RYR3: variants seen among roughly 807,000 people sequenced by gnomAD.
RYR3 encodes ryanodine receptor 3.
In RYR3, 207 loss-of-function variants were observed where a neutral mutation model predicts 584.3. The ratio of observed to expected loss-of-function variants is 0.35; its 90% CI spans 0.32 to 0.40. The LOEUF (loss-of-function observed/expected upper bound fraction) is 0.40, where lower values mean the gene tolerates loss of function less well. Ranked by LOEUF, RYR3 falls within the 10% of genes least tolerant of loss-of-function variation. The probability of loss-of-function intolerance (pLI) is 1.00; values close to 1 mark genes in which losing one functional copy is unlikely to be tolerated. For missense variants in RYR3, 5,616 were observed against 6,089.2 expected, an observed-to-expected ratio of 0.92 and a Z score of 2.59; for synonymous variants, 2,416 against 2,248.5, an observed-to-expected ratio of 1.07 and a Z score of -2.11.
In RYR3 at chr15:33,800,867, C is replaced by T. The variant is rs758016177; in HGVS notation, c.9918+10C>T. ...GTGGTGTAAATCTCATGTAAGAACA[C>T]ATTTGGGCCCTGGGTTTAGAATGGT... On this transcript the variant is annotated intron_variant, in intron 68 of 103. Transcript: ENST00000634891. 4.4e-6 allele frequency: 7 copies of T among 1,587,290 alleles called. No individual in the cohort carries two copies. The East Asian group carries it at 6.7e-5, about 15-fold the overall frequency.
intron 93 of RYR3, among the ~76,000 whole-genome samples, chr15:33,845,541 A>G (rs969693081): frequency 6.6e-5 from 10 of 152,208 alleles, no homozygotes; most frequent in Non-Finnish European, 1.3e-4. Flanking sequence ...AGCATGAGCC[A>G]CTGCGCCCAG....
At chr15:33,814,159 A>T (rs1471389965) in intron 74 of RYR3, among the ~76,000 whole-genome samples, 1 of 152,248 alleles carries the variant, frequency 6.6e-6, no homozygotes, top group East Asian at 1.9e-4. Flanking sequence ...GCTTTTGCTG[A>T]AAAGTCTGGG....
intron 60 of RYR3, among the ~76,000 whole-genome samples, chr15:33,763,289 G>A (rs891645104): frequency 9.9e-5 from 15 of 152,274 alleles, no homozygotes; most frequent in Non-Finnish European, 1.8e-4. Context: ...AAACCAAAGA[G>A]CTTCTGCACA....
At position 33,830,462 on chromosome 15, in the gene RYR3, A is replaced by G. The variant is rs116213128; in HGVS notation, c.11335-501A>G. On this transcript the variant is annotated intron_variant, in intron 85 of 103. Transcript: ENST00000634891. ...TTGCACACTTAATAGACTACAGCAT[A>G]TTGTAAACATAACTTTGATGTACGC... 5.1e-3 allele frequency among the ~76,000 whole-genome samples: 780 copies of G among 152,364 alleles called. 10 individuals are homozygous for G. Among genetic ancestry groups the G allele is most frequent in the African/African-American group, 0.018 (756 of 41,590 alleles).
chr15:33,718,899 C>T (rs1766774951), intron 43 of RYR3, among the ~76,000 whole-genome samples: 1 of 152,186 alleles, frequency 6.6e-6, no homozygotes. Flanking sequence ...AGAACTCAAG[C>T]AGAAAGCATT....
chr15:33,485,086 A>C (rs1432143200), intron 2 of RYR3, among the ~76,000 whole-genome samples: 1 of 152,208 alleles, frequency 6.6e-6, no homozygotes, highest in Non-Finnish European at 1.5e-5. Flanking sequence ...ATCAGAAAAG[A>C]AATAGGCATG....
At chr15:33,382,590 G>A (rs1206802199) in intron 1 of RYR3, among the ~76,000 whole-genome samples, 2 of 151,992 alleles carry the variant, frequency 1.3e-5, no homozygotes, top group Admixed American at 1.3e-4. Context: ...CTAAAGTGCT[G>A]GGATTACAGA....
At chr15:33,705,520 AG>A (rs1354697438) in intron 42 of RYR3, among the ~76,000 whole-genome samples, 1 of 152,238 alleles carries the variant, frequency 6.6e-6, no homozygotes, top group Non-Finnish European at 1.5e-5. Flanking sequence ...AAGATATCAA[AG>A]GTGAAATTAG....
intron 41 of RYR3, among the ~76,000 whole-genome samples, chr15:33,700,355 A>G (rs910715840): frequency 6.6e-6 from 1 of 152,200 alleles, no homozygotes; most frequent in Non-Finnish European, 1.5e-5. Context: ...ACCACTAGAA[A>G]AGCAAGTCAC....
intron 57 of RYR3, among the ~76,000 whole-genome samples, chr15:33,750,775 A>T (rs2071209804): frequency 6.6e-6 from 1 of 152,156 alleles, no homozygotes; most frequent in Non-Finnish European, 1.5e-5. Flanking sequence ...CAGAACGTGC[A>T]GGTTTGTTAC....
At position 33,827,419 on chromosome 15, in the gene RYR3, C is replaced by G. The variant is rs893244029; in HGVS notation, c.11334+132C>G. 3 of 737,180 alleles carry G rather than the reference C, an allele frequency of 4.1e-6. No individual in the cohort carries two copies. The African/African-American group carries it at 5.3e-5, about 13-fold the overall frequency. The allele number at this position is 737,180 out of a possible 1,614,324, so 45.7% of individuals were successfully genotyped here. ...AGGAAGGCGTTGTAACGTGTATCCACAGATGCATGGGAAGTCCAGTGCCCA... is the reference window on the plus strand; with the variant it reads ...AGGAAGGCGTTGTAACGTGTATCCAGAGATGCATGGGAAGTCCAGTGCCCA... On this transcript the variant is annotated intron_variant, in intron 85 of 103. Transcript: ENST00000634891.
intron 57 of RYR3, among the ~76,000 whole-genome samples, 191 bp downstream of exon 57, chr15:33,750,477 C>T (rs1264946278): frequency 6.6e-6 from 1 of 152,186 alleles, no homozygotes; most frequent in Admixed American, 6.5e-5. Flanking sequence ...TTTTAAAGAT[C>T]AGTGACAACA....
intron 7 of RYR3, 136 bp downstream of exon 7, chr15:33,541,026 T>A: frequency 1.7e-6 from 1 of 599,814 alleles, no homozygotes; most frequent in South Asian, 2.2e-5. Flanking sequence ...CTCACTTGAG[T>A]TTCTTTCTCT....
intron 103 of RYR3, among the ~76,000 whole-genome samples, 153 bp downstream of exon 103, chr15:33,864,342 A>G (rs191110751): frequency 2.0e-5 from 3 of 152,344 alleles, no homozygotes; most frequent in Admixed American, 6.5e-5. Flanking sequence ...TAAGAAGCCA[A>G]AGTCCTCCTG....
intron 16 of RYR3, among the ~76,000 whole-genome samples, chr15:33,590,450 A>G (rs1247565345): frequency 2.0e-5 from 3 of 152,118 alleles, no homozygotes; most frequent in Non-Finnish European, 4.4e-5. Context: ...TGACACTGGT[A>G]TTTTGATAGG....
chr15:33,589,162 TTAAGA>T (rs1312014513), intron 16 of RYR3, among the ~76,000 whole-genome samples: 4 of 152,198 alleles, frequency 2.6e-5, no homozygotes, highest in Admixed American at 2.0e-4. Flanking sequence ...CTGACTAGTG[TTAAGA>T]TGACATCTCA....
intron 1 of RYR3, among the ~76,000 whole-genome samples, chr15:33,386,805 C>T (rs2041632835): frequency 6.6e-6 from 1 of 152,106 alleles, no homozygotes; most frequent in Non-Finnish European, 1.5e-5. Context: ...TCACTTAGTG[C>T]AATGTCTTAA....
rs1454098818 is a variant in RYR3, at chr15:33,584,693, C to T, written c.1669+203C>T. Reference sequence around the variant, plus strand: ...CAACTCTAACCCAGACTTCAACAATCCTTCCTTTTTAAATTTTTTACTCTG... The same window carrying T: ...CAACTCTAACCCAGACTTCAACAATTCTTCCTTTTTAAATTTTTTACTCTG... On this transcript the variant is annotated intron_variant, in intron 15 of 103. Coordinates refer to ENST00000634891, the MANE Select transcript of RYR3 (RefSeq NM_001036.6). Among the ~76,000 whole-genome samples the T allele has an allele frequency of 2.0e-5, 3 of 152,178 alleles. No homozygotes were observed. The South Asian group carries it at 6.2e-4, about 32-fold the overall frequency.
At chr15:33,750,405 A>AT in intron 57 of RYR3, 119 bp downstream of exon 57, 1 of 1,000,730 alleles carries the variant, frequency 1.0e-6, no homozygotes, top group Non-Finnish European at 1.4e-6. Context: ...AAATGAGAAC[A>AT]TTTTTATTTT....
Sources: gnomAD v4.1 joint callset for allele counts (sites outside exome capture counted in the v4.1 genomes callset) on GRCh38, gnomAD v4.1.1 for gene constraint, MANE v1.5 for transcripts, NCBI Gene and HGNC (gene_info 2026-07-23, HGNC 2026-07-21) for gene names.